Variants in LRFN5 observed in about 807,000 individuals in gnomAD.
The protein encoded by LRFN5 is leucine rich repeat and fibronectin type III domain containing 5.
LRFN5 carries 24 observed loss-of-function variants against 45.6 expected under a neutral mutation model. The observed-to-expected ratio is 0.53, with a 90% CI of 0.38 to 0.74. The LOEUF (loss-of-function observed/expected upper bound fraction) is 0.74, where lower values mean the gene tolerates loss of function less well. LRFN5 is among the 30% of genes least tolerant of loss of function. The pLI is 0.00. For missense variants in LRFN5, 776 were observed against 861.5 expected, an observed-to-expected ratio of 0.90 and a Z score of 1.24; for synonymous variants, 340 against 313.8, an observed-to-expected ratio of 1.08 and a Z score of -0.88.
chr14:41,647,913 A>G (rs1450915008), intron 1 of LRFN5, among the ~76,000 whole-genome samples: 2 of 152,218 alleles, frequency 1.3e-5, no homozygotes, highest in African/African-American at 4.8e-5. Flanking sequence ...GGTAATTTTA[A>G]GAAGAATAAA....
chr14:41,813,462 G>A (rs572617141), intron 2 of LRFN5, among the ~76,000 whole-genome samples: 2 of 152,180 alleles, frequency 1.3e-5, no homozygotes, highest in South Asian at 2.1e-4. Flanking sequence ...TTCTGTTCCT[G>A]TGTTAGTTTG....
chr14:41,638,782 A>C (rs1879427666), intron 1 of LRFN5, among the ~76,000 whole-genome samples: 1 of 152,134 alleles, frequency 6.6e-6, no homozygotes, highest in African/African-American at 2.4e-5. Flanking sequence ...TAAACAGATT[A>C]ATTTTTATAA....
intron 1 of LRFN5, among the ~76,000 whole-genome samples, chr14:41,719,602 TTCTG>T (rs1337951559): frequency 6.6e-6 from 1 of 152,066 alleles, no homozygotes; most frequent in Non-Finnish European, 1.5e-5. Flanking sequence ...CTTCACTGCA[TTCTG>T]TCTAATCACT....
chr14:41,687,486 G>C (rs1882173507), intron 1 of LRFN5, among the ~76,000 whole-genome samples: 1 of 152,102 alleles, frequency 6.6e-6, no homozygotes, highest in Admixed American at 6.6e-5. Flanking sequence ...CTCATTACTT[G>C]GTATACACCC....
At position 41,891,577 on chromosome 14, in the gene LRFN5, C is replaced by T. The variant is rs1890782591; in HGVS notation, c.1713C>T (p.Ser571=). The stretch of plus-strand genomic sequence containing the variant: ...TCACCAAGGTTAGCAATGTTTATTC[C>T]CAAACTAACGGGGCTCAAATACAAG... The part of the protein sequence containing the change: ...HKVTKVSNVY[S]QTNGAQIQGC... The change falls in exon 4 of 6, where the codon TCC becomes TCT. Residue 571 remains serine (S), a synonymous_variant. Transcript: ENST00000298119. The T allele has an allele frequency of 1.2e-6, 2 of 1,614,138 alleles. No individual in the cohort carries two copies. The highest frequency in any genetic ancestry group is 2.2e-5 in the East Asian group (1 of 44,882).
chr14:41,709,401 T>C (rs1191133803), intron 1 of LRFN5, among the ~76,000 whole-genome samples: 1 of 152,066 alleles, frequency 6.6e-6, no homozygotes, highest in Admixed American at 6.6e-5. Flanking sequence ...AATTCTGTTA[T>C]ATTTTTGAGG....
rs141453289 is a variant in LRFN5 at position 41,719,697 on chromosome 14, A to C, written c.-196-47157A>C. 9.4e-3 allele frequency among the ~76,000 whole-genome samples: 1,424 copies of C among 151,874 alleles called. 19 individuals are homozygous for C. The highest frequency in any genetic ancestry group is 0.033 in the African/African-American group (1,374 of 41,442). On this transcript the variant is annotated intron_variant, in intron 1 of 5. Coordinates refer to ENST00000298119, the MANE Select transcript of LRFN5 (RefSeq NM_152447.5). ...TTAAGATTTTGATATATACTTCAAA[A>C]TTTTGATAGATTTTGAGATGTGTGT... is the stretch of plus-strand genomic sequence containing the variant.
chr14:41,871,814 A>G (rs555886623), intron 2 of LRFN5, among the ~76,000 whole-genome samples: 1 of 152,196 alleles, frequency 6.6e-6, no homozygotes, highest in East Asian at 1.9e-4. Flanking sequence ...TCACAGTCCA[A>G]CTTTTTTTAC....
At chr14:41,628,442 A>G (rs545695541) in intron 1 of LRFN5, among the ~76,000 whole-genome samples, 2 of 152,228 alleles carry the variant, frequency 1.3e-5, no homozygotes, top group African/African-American at 4.8e-5. Context: ...ATGTCTACAA[A>G]AAAAATTAAT....
intron 2 of LRFN5, among the ~76,000 whole-genome samples, chr14:41,810,485 A>G (rs961108313): frequency 1.3e-5 from 2 of 152,014 alleles, no homozygotes; most frequent in Non-Finnish European, 2.9e-5. Flanking sequence ...TACCCTCAAT[A>G]TGACAGCCAA....
In LRFN5 at chr14:41,652,267, A is replaced by G. The variant is rs148191931; in HGVS notation, c.-197+43705A>G. Among the ~76,000 whole-genome samples the G allele has an allele frequency of 6.3e-3, 960 of 152,238 alleles. 15 individuals are homozygous for G. The highest frequency in any genetic ancestry group is 0.022 in the African/African-American group (935 of 41,566). ...CATATTTTAATGTAGCATGTTGACA[A>G]TATTATATCATTTCTATGATATTCC... On this transcript the variant is annotated intron_variant, in intron 1 of 5. Coordinates refer to ENST00000298119, the MANE Select transcript of LRFN5 (RefSeq NM_152447.5).
At chr14:41,816,125 C>A (rs190735830) in intron 2 of LRFN5, among the ~76,000 whole-genome samples, 1 of 151,966 alleles carries the variant, frequency 6.6e-6, no homozygotes, top group Admixed American at 6.6e-5. Flanking sequence ...CTTCCTCCGT[C>A]TCCCCCATGT....
chr14:41,874,001 T>G (rs1031278370), intron 2 of LRFN5, among the ~76,000 whole-genome samples: 2 of 152,206 alleles, frequency 1.3e-5, no homozygotes, highest in African/African-American at 4.8e-5. Context: ...TTTATTAGAT[T>G]TGAAACACCA....
At chr14:41,792,607 C>T (rs924616096) in intron 2 of LRFN5, among the ~76,000 whole-genome samples, 2 of 151,914 alleles carry the variant, frequency 1.3e-5, no homozygotes, top group Admixed American at 6.6e-5. Context: ...CCTACTTGCA[C>T]GTCTGTTTAT....
chr14:41,885,787 C>T (rs113785724), intron 2 of LRFN5, among the ~76,000 whole-genome samples: 1,582 of 151,924 alleles, frequency 0.01, 25 homozygotes, highest in African/African-American at 0.037. Context: ...GAGGCTGAAG[C>T]GGGCGGATCA....
At chr14:41,819,582 A>T (rs943143749) in intron 2 of LRFN5, among the ~76,000 whole-genome samples, 1 of 152,126 alleles carries the variant, frequency 6.6e-6, no homozygotes, top group Non-Finnish European at 1.5e-5. Flanking sequence ...GCATGGCATC[A>T]TCTTCTGGGG....
At chr14:41,902,720 A>G (rs540346894) in intron 5 of LRFN5, among the ~76,000 whole-genome samples, 1 of 151,896 alleles carries the variant, frequency 6.6e-6, no homozygotes, top group African/African-American at 2.4e-5. Flanking sequence ...TATTTTGTCC[A>G]CTGTCATTTT....
chr14:41,731,251 A>G (rs1884163546), intron 1 of LRFN5: 3 of 151,364 alleles, frequency 2.0e-5, no homozygotes. Flanking sequence ...TTCAGATCAT[A>G]TGAATTTACG....
intron 2 of LRFN5, among the ~76,000 whole-genome samples, chr14:41,814,324 G>C (rs1268079838): frequency 6.6e-6 from 1 of 151,934 alleles, no homozygotes; most frequent in African/African-American, 2.4e-5. Context: ...TTATTATTCT[G>C]GTCTTAAAGG....
Sources: allele counts gnomAD v4.1 joint callset (sites outside exome capture counted in the v4.1 genomes callset), GRCh38; gene constraint gnomAD v4.1.1; transcripts MANE v1.5; gene names NCBI Gene and HGNC (gene_info 2026-07-23, HGNC 2026-07-21).